CSMD1: variants seen among roughly 807,000 people sequenced by gnomAD.
CSMD1 encodes the protein CUB and sushi domain-containing protein 1.
A neutral mutation model predicts 417.5 loss-of-function variants in CSMD1; 213 were observed. That is an observed-to-expected ratio of 0.51 (90% CI 0.46 to 0.57). The LOEUF (loss-of-function observed/expected upper bound fraction) is 0.57, where lower values mean the gene tolerates loss of function less well. Among genes scored for constraint, CSMD1 ranks in the 20% least tolerant of loss-of-function variants. CSMD1 has a pLI of 0.00. For missense variants in CSMD1, 6,923 were observed against 4,529.7 expected (o/e 1.53, Z -15.17); for synonymous variants, 2,862 against 1,736.8 (o/e 1.65, Z -16.11).
chr8:4,957,331 G>A (rs944033003), intron 1 of CSMD1, among the ~76,000 whole-genome samples: 9 of 152,144 alleles, frequency 5.9e-5, no homozygotes, highest in Non-Finnish European at 7.3e-5. Context: ...GGAAAGATGC[G>A]TTGGCAGAGA....
chr8:4,185,614 T>G lies in CSMD1; in HGVS notation c.416-153515A>C, dbSNP rs1335863663. On this transcript the variant is annotated intron_variant, in intron 3 of 69. Coordinates refer to ENST00000635120, the MANE Select transcript of CSMD1 (RefSeq NM_033225.6). Reference sequence around the variant, plus strand: ...TAGTAAATGTGCTGATTTATGAAATTGCACGTTATTTAAATAGCTAATGTA... The same window carrying G: ...TAGTAAATGTGCTGATTTATGAAATGGCACGTTATTTAAATAGCTAATGTA... 2.0e-5 allele frequency among the ~76,000 whole-genome samples: 3 copies of G among 152,324 alleles called. No individual in the cohort carries two copies. In the East Asian group the frequency reaches 5.8e-4, roughly 29 times the overall value.
chr8:4,165,764 C>A (rs149450441), intron 3 of CSMD1, among the ~76,000 whole-genome samples: 1 of 152,162 alleles, frequency 6.6e-6, no homozygotes, highest in Non-Finnish European at 1.5e-5. Context: ...CCTGGTCATG[C>A]CATGAGGTGT....
At chr8:4,655,764 T>A (rs778107832) in intron 1 of CSMD1, among the ~76,000 whole-genome samples, 3 of 152,180 alleles carry the variant, frequency 2.0e-5, no homozygotes, top group Admixed American at 6.5e-5. Flanking sequence ...ACTAATAGTA[T>A]AATTTACGTT....
At chr8:4,605,965 C>G (rs1471069505) in intron 2 of CSMD1, among the ~76,000 whole-genome samples, 3 of 152,126 alleles carry the variant, frequency 2.0e-5, no homozygotes, top group East Asian at 1.9e-4. Flanking sequence ...TAGACCAGAG[C>G]AGAGCCAATG....
intron 37 of CSMD1, among the ~76,000 whole-genome samples, chr8:3,163,418 A>G (rs1820013956): frequency 6.6e-6 from 1 of 151,716 alleles, no homozygotes; most frequent in African/African-American, 2.4e-5. Context: ...CAGAAGGAAA[A>G]AAAAAAAAAC....
chr8:4,133,507 T>G (rs557351103), intron 3 of CSMD1, among the ~76,000 whole-genome samples: 1 of 152,318 alleles, frequency 6.6e-6, no homozygotes, highest in South Asian at 2.1e-4. Context: ...GCCCTGCAAT[T>G]ATTCCTCATA....
At chr8:4,589,401 G>C (rs1209370007) in intron 2 of CSMD1, among the ~76,000 whole-genome samples, 1 of 152,078 alleles carries the variant, frequency 6.6e-6, no homozygotes, top group African/African-American at 2.4e-5. Context: ...AAAAACCAAT[G>C]ATAGTAAGGA....
intron 5 of CSMD1, among the ~76,000 whole-genome samples, chr8:3,988,613 GGA>G (rs1814510816): frequency 6.6e-6 from 1 of 152,134 alleles, no homozygotes; most frequent in Admixed American, 6.5e-5. Context: ...CATGACAGCT[GGA>G]GAGGAACGTT....
At position 4,399,276 on chromosome 8, in the gene CSMD1, G is replaced by C. The variant is rs17070126; in HGVS notation, c.415+20677C>G. Among the ~76,000 whole-genome samples the C allele has an allele frequency of 1.8e-3, 272 of 152,182 alleles. 1 individual carries two copies. Among genetic ancestry groups the C allele is most frequent in the African/African-American group, 6.0e-3 (248 of 41,494 alleles). ...CCTCCCCACAAAAACAGCAACAAAG[G>C]ACCATCATTAGTAATGAGGGAGCTT... is the stretch of plus-strand genomic sequence containing the variant. On this transcript the variant is annotated intron_variant, in intron 3 of 69. Transcript: ENST00000635120.
intron 12 of CSMD1, among the ~76,000 whole-genome samples, chr8:3,435,020 CAGGACTGGGAGCTGGTAGCAGAG>C (rs1440866948): frequency 6.7e-6 from 1 of 149,164 alleles, no homozygotes; most frequent in Admixed American, 7.3e-5. Context: ...TGGTAGCAGA[CAGGACTGGGAGCTGGTAGCAGAG>C]AGGACAGAAG....
At chr8:3,873,726 G>T (rs1461332409) in intron 5 of CSMD1, among the ~76,000 whole-genome samples, 2 of 152,052 alleles carry the variant, frequency 1.3e-5, no homozygotes, top group African/African-American at 2.4e-5. Flanking sequence ...TAAATAAAAA[G>T]CCTTTTTCTC....
In CSMD1 at chr8:3,196,505, C is replaced by G. The variant is rs191299627; in HGVS notation, c.5194+3209G>C. On this transcript the variant is annotated intron_variant, in intron 33 of 69. Coordinates refer to ENST00000635120, the MANE Select transcript of CSMD1 (RefSeq NM_033225.6). ...AAGAACCTCTCTTGGGGTCTGGATC[C>G]GCACCCCTTTCTGGTAACAAAACCA... 1.3e-3 allele frequency among the ~76,000 whole-genome samples: 196 copies of G among 152,232 alleles called. 1 individual carries two copies. The highest frequency in any genetic ancestry group is 4.5e-3 in the African/African-American group (189 of 41,550).
chr8:3,883,178 G>C (rs1278928215), intron 5 of CSMD1, among the ~76,000 whole-genome samples: 5 of 152,054 alleles, frequency 3.3e-5, no homozygotes, highest in Non-Finnish European at 5.9e-5. Context: ...AAATGGCTGG[G>C]TGCAAATGCA....
intron 5 of CSMD1, among the ~76,000 whole-genome samples, chr8:3,977,098 T>C (rs1438951698): frequency 6.6e-6 from 1 of 152,158 alleles, no homozygotes; most frequent in Non-Finnish European, 1.5e-5. Context: ...TTTCCTTTCA[T>C]CTTAATTTCT....
intron 22 of CSMD1, among the ~76,000 whole-genome samples, chr8:3,346,628 A>G (rs998565061): frequency 2.0e-5 from 3 of 152,188 alleles, no homozygotes; most frequent in African/African-American, 7.2e-5. Flanking sequence ...AGGCCCTTTA[A>G]TCTGTAAGCT....
intron 10 of CSMD1, among the ~76,000 whole-genome samples, chr8:3,530,231 T>C (rs1797921299): frequency 6.6e-6 from 1 of 152,194 alleles, no homozygotes; most frequent in African/African-American, 2.4e-5. Context: ...TCTTTTTTTA[T>C]AGCTCTTTAA....
At chr8:3,517,847 A>G (rs1797346157) in intron 10 of CSMD1, among the ~76,000 whole-genome samples, 1 of 152,188 alleles carries the variant, frequency 6.6e-6, no homozygotes, top group African/African-American at 2.4e-5. Context: ...CATCCTAGAA[A>G]TCCTCAACTG....
intron 5 of CSMD1, among the ~76,000 whole-genome samples, chr8:3,927,607 G>A (rs1042707422): frequency 6.7e-6 from 1 of 149,600 alleles, no homozygotes; most frequent in Non-Finnish European, 1.5e-5. Context: ...GGAGGTTGCA[G>A]TGAGCCGACA....
intron 6 of CSMD1, among the ~76,000 whole-genome samples, chr8:3,725,703 TGA>T (rs144832205): frequency 0.11 from 16,311 of 151,912 alleles, 909 homozygotes; most frequent in East Asian, 0.16. Flanking sequence ...ACCACTGCAA[TGA>T]GAGAGTAGGC....
Sources: gnomAD v4.1 joint callset for allele counts (sites outside exome capture counted in the v4.1 genomes callset) on GRCh38, gnomAD v4.1.1 for gene constraint, MANE v1.5 for transcripts, NCBI Gene and HGNC (gene_info 2026-07-23, HGNC 2026-07-21) for gene names.